TTC7B: variants seen among roughly 807,000 people sequenced by gnomAD.
TTC7B encodes tetratricopeptide repeat protein 7B.
TTC7B carries 28 observed loss-of-function variants against 106.8 expected under a neutral mutation model. The observed-to-expected ratio is 0.26, with a 90% CI of 0.19 to 0.36. The LOEUF (loss-of-function observed/expected upper bound fraction) is 0.36. Ranked by LOEUF, TTC7B falls within the 10% of genes least tolerant of loss-of-function variation. The pLI is 1.00. For synonymous variants in TTC7B, 405 were observed against 430.6 expected (o/e 0.94, Z 0.74); for missense variants, 862 against 1,076.4 (o/e 0.80, Z 2.79).
chr14:90,612,937 C>A (rs942743), intron 16 of TTC7B, among the ~76,000 whole-genome samples: 10 of 152,268 alleles, frequency 6.6e-5, no homozygotes, highest in African/African-American at 1.9e-4. Context: ...TGAACCTCAC[C>A]CCCTGACAAT....
At chr14:90,617,170 T>A (rs972227895) in intron 16 of TTC7B, among the ~76,000 whole-genome samples, 1 of 152,198 alleles carries the variant, frequency 6.6e-6, no homozygotes, top group Admixed American at 6.5e-5. Context: ...TTTACAGCTC[T>A]GTAGGGGTAG....
chr14:90,814,740 G>C (rs2031082245), intron 1 of TTC7B, among the ~76,000 whole-genome samples: 1 of 152,158 alleles, frequency 6.6e-6, no homozygotes, highest in South Asian at 2.1e-4. Flanking sequence ...AAGCAGGTGA[G>C]CCCGACACGG....
At chr14:90,672,959 T>C (rs1886688522) in intron 9 of TTC7B, among the ~76,000 whole-genome samples, 1 of 152,176 alleles carries the variant, frequency 6.6e-6, no homozygotes, top group South Asian at 2.1e-4. Context: ...TTATTACCCC[T>C]ATTTAACAGG....
chr14:90,733,229 G>T (rs1889392870), intron 4 of TTC7B, among the ~76,000 whole-genome samples: 1 of 152,016 alleles, frequency 6.6e-6, no homozygotes, highest in Non-Finnish European at 1.5e-5. Context: ...AACCCACCGA[G>T]ATACACACCA....
chr14:90,687,954 C>G (rs985827250), intron 7 of TTC7B, among the ~76,000 whole-genome samples: 1 of 152,182 alleles, frequency 6.6e-6, no homozygotes, highest in Non-Finnish European at 1.5e-5. Context: ...TGAAGAAATG[C>G]CGACTCCTCT....
intron 3 of TTC7B, among the ~76,000 whole-genome samples, chr14:90,770,966 A>C: frequency 6.6e-6 from 1 of 152,034 alleles, no homozygotes; most frequent in Non-Finnish European, 1.5e-5. Context: ...ATACCACATG[A>C]CTCCACTTAT....
rs1432704812 is a variant in TTC7B, at chr14:90,600,420, C to G, written c.1967-6794G>C. On this transcript the variant is annotated intron_variant, in intron 17 of 19. Transcript: ENST00000328459. The surrounding 1 kb of genome is among the most constrained non-coding windows in gnomAD (Gnocchi z 4.3). ...GGGGCCGCTGCCCACCCAGTCCCAC[C>G]AACCATGAGGGCTCCTGCTGTGGGT... 6.6e-5 allele frequency among the ~76,000 whole-genome samples: 10 copies of G among 152,192 alleles called. No homozygotes were observed. Among genetic ancestry groups the G allele is most frequent in the Admixed American group, 6.5e-4 (10 of 15,286 alleles).
At chr14:90,679,351 T>C (rs1886959391) in intron 8 of TTC7B, among the ~76,000 whole-genome samples, 1 of 152,194 alleles carries the variant, frequency 6.6e-6, no homozygotes, top group Admixed American at 6.5e-5. Context: ...TCTCCGCGCA[T>C]GTACGTTATT....
At chr14:90,631,993 G>A (rs533251902) in intron 15 of TTC7B, among the ~76,000 whole-genome samples, 2 of 152,200 alleles carry the variant, frequency 1.3e-5, no homozygotes, top group African/African-American at 4.8e-5. Context: ...TTTTGTTAGG[G>A]TTGTGGAAAG....
chr14:90,617,596 A>G (rs1297387038), intron 16 of TTC7B, among the ~76,000 whole-genome samples: 1 of 152,230 alleles, frequency 6.6e-6, no homozygotes, highest in Non-Finnish European at 1.5e-5. Flanking sequence ...TGGTCTATAC[A>G]TAAATTACCA....
chr14:90,722,631 T>A (rs1208964479), intron 5 of TTC7B, among the ~76,000 whole-genome samples: 1 of 152,208 alleles, frequency 6.6e-6, no homozygotes, highest in Non-Finnish European at 1.5e-5. Context: ...TCATCCTGTA[T>A]CATCTGCTCC....
At chr14:90,816,093 G>T in intron 1 of TTC7B, 82 bp downstream of exon 1, 1 of 973,626 alleles carries the variant, frequency 1.0e-6, no homozygotes, top group Non-Finnish European at 1.2e-6. Context: ...CCCGCGCCCC[G>T]CGCCCGGCCG....
chr14:90,683,037 T>C (rs1039484988), intron 7 of TTC7B, among the ~76,000 whole-genome samples: 1 of 152,204 alleles, frequency 6.6e-6, no homozygotes, highest in Admixed American at 6.5e-5. Flanking sequence ...AAAAATTTCC[T>C]CCGAAAGGTA....
chr14:90,590,861 C>CA (rs1206274452), intron 18 of TTC7B, among the ~76,000 whole-genome samples: 6 of 152,222 alleles, frequency 3.9e-5, no homozygotes, highest in African/African-American at 1.4e-4. Flanking sequence ...ACACAATGCT[C>CA]ACCGTATGCA....
intron 13 of TTC7B, chr14:90,648,882 C>A (rs1595244403): frequency 6.6e-6 from 1 of 152,102 alleles, no homozygotes; most frequent in African/African-American, 2.4e-5. Flanking sequence ...ATTTACAGAA[C>A]CCTCAAAAAG....
intron 15 of TTC7B, among the ~76,000 whole-genome samples, chr14:90,640,530 T>C (rs569887470): frequency 1.3e-4 from 20 of 152,328 alleles, no homozygotes; most frequent in African/African-American, 4.3e-4. Context: ...AATATTAATG[T>C]TCTTTTTTCT....
intron 3 of TTC7B, among the ~76,000 whole-genome samples, chr14:90,768,167 T>C (rs1327603778): frequency 6.6e-6 from 1 of 152,192 alleles, no homozygotes; most frequent in African/African-American, 2.4e-5. Flanking sequence ...TTCAAAGTGC[T>C]GAAAGAAACA....
chr14:90,776,635 C>T (rs1462919804), intron 3 of TTC7B, among the ~76,000 whole-genome samples: 1 of 152,172 alleles, frequency 6.6e-6, no homozygotes, highest in Non-Finnish European at 1.5e-5. Context: ...GGCAGGAGTA[C>T]AAATCTAGGG....
intron 17 of TTC7B, among the ~76,000 whole-genome samples, chr14:90,604,565 G>C (rs989294317): frequency 6.6e-6 from 1 of 152,178 alleles, no homozygotes; most frequent in African/African-American, 2.4e-5. Flanking sequence ...AGAGATAGTG[G>C]TTCTTTCTGG....
Sources: gnomAD v4.1 joint callset for allele counts (sites outside exome capture counted in the v4.1 genomes callset) on GRCh38, gnomAD v4.1.1 for gene constraint, Gnocchi (gnomAD v3.1) non-coding constraint, MANE v1.5 for transcripts, NCBI Gene and HGNC (gene_info 2026-07-23, HGNC 2026-07-21) for gene names.